THBS4: variants seen among roughly 807,000 people sequenced by gnomAD.
The protein encoded by THBS4 is thrombospondin-4.
Under a neutral mutation model 115.7 loss-of-function variants are expected in THBS4, and 90 were observed. The ratio of observed to expected loss-of-function variants is 0.78; its 90% CI spans 0.66 to 0.93. The LOEUF (loss-of-function observed/expected upper bound fraction) is 0.93, where lower values mean the gene tolerates loss of function less well. Ranked by LOEUF, THBS4 falls within the 40% of genes least tolerant of loss-of-function variation. THBS4 has a pLI of 0.00. For synonymous variants in THBS4, 460 were observed against 479.3 expected (o/e 0.96, Z 0.53); for missense variants, 1,087 against 1,232.7 (o/e 0.88, Z 1.77).
At chr5:80,080,491 T>G (rs897936779) in intron 20 of THBS4, among the ~76,000 whole-genome samples, 10 of 116,384 alleles carry the variant, frequency 8.6e-5, no homozygotes, top group Middle Eastern at 8.5e-3. Flanking sequence ...CACTTACTAG[T>G]GCACATTTCA....
At chr5:80,036,920 T>G (rs1414732690) in intron 1 of THBS4, among the ~76,000 whole-genome samples, 1 of 152,226 alleles carries the variant, frequency 6.6e-6, no homozygotes, top group East Asian at 1.9e-4. Context: ...CCATTTAAAC[T>G]GCATTTCGCC....
chr5:79,995,440 C>T (rs77064027), intron 1 of THBS4, among the ~76,000 whole-genome samples: 6 of 151,854 alleles, frequency 4.0e-5, no homozygotes, highest in East Asian at 1.9e-4. Context: ...AGGGTATAAA[C>T]GATAAGGACA....
At chr5:80,077,404 G>A (rs367820587) in intron 16 of THBS4, among the ~76,000 whole-genome samples, 47 of 152,328 alleles carry the variant, frequency 3.1e-4, no homozygotes, top group African/African-American at 1.1e-3. Flanking sequence ...TCCCAGAAAA[G>A]GAGCAGGATA....
At chr5:80,033,561 ATACTC>A (rs1050586201), upstream of THBS4, among the ~76,000 whole-genome samples, 4 of 152,136 alleles carry the variant, frequency 2.6e-5, no homozygotes, top group African/African-American at 4.8e-5. Context: ...AGAGAAGTAA[ATACTC>A]TAGTGTCTAC....
At chr5:80,023,283 A>G (rs1452179924) in intron 2 of THBS4, among the ~76,000 whole-genome samples, 1 of 152,204 alleles carries the variant, frequency 6.6e-6, no homozygotes, top group African/African-American at 2.4e-5. Flanking sequence ...CTGTACCTGC[A>G]TATACACATG....
chr5:80,078,025 C>T, intron 16 of THBS4, 24 bp from the exon 17 acceptor site: 1 of 1,546,866 alleles, frequency 6.5e-7, no homozygotes, highest in Non-Finnish European at 8.8e-7. Flanking sequence ...TATTGAGCTC[C>T]TGTCCTTTCT....
intron 2 of THBS4, among the ~76,000 whole-genome samples, chr5:80,050,320 T>C (rs1044454786): frequency 2.0e-5 from 3 of 152,164 alleles, no homozygotes; most frequent in African/African-American, 7.2e-5. Context: ...ATCAGAGTTT[T>C]TAAAGATAAT....
At position 80,079,822 on chromosome 5, in the gene THBS4, C is replaced by T. The variant is rs1743398661; in HGVS notation, c.2512-83C>T. ...AGCCGGATTATAACCATGACTATAA[C>T]CTGGATCATCACTTCAGATCCAGGA... is the stretch of plus-strand genomic sequence containing the variant. On this transcript the variant is annotated intron_variant, in intron 19 of 21. Coordinates refer to ENST00000350881, the MANE Select transcript of THBS4 (RefSeq NM_003248.6). 4.9e-6 allele frequency: 7 copies of T among 1,420,062 alleles called. 1 individual carries two copies. Among genetic ancestry groups the T allele is most frequent in the Middle Eastern group, 1.8e-4 (1 of 5,502 alleles). 88.0% of individuals were successfully genotyped at this position (1,420,062 alleles called of 1,614,324 possible). A position where few individuals can be genotyped will look rare whatever the true frequency, so the allele number is the denominator to read the frequency against.
At chr5:80,025,092 T>G (rs1832449521) in intron 2 of THBS4, among the ~76,000 whole-genome samples, 1 of 152,202 alleles carries the variant, frequency 6.6e-6, no homozygotes, top group East Asian at 1.9e-4. Context: ...TTGTAAAGAT[T>G]AGATGAGATC....
At position 80,066,573 on chromosome 5, in the gene THBS4, T is replaced by G. The variant is rs527265531; in HGVS notation, c.1194+1096T>G. 4 of 152,208 alleles carry G rather than the reference T, an allele frequency of 2.6e-5. No homozygotes were observed. The South Asian group carries it at 8.3e-4, about 32-fold the overall frequency. 9.4% of individuals were successfully genotyped at this position (152,208 alleles called of 1,614,324 possible). Reference sequence around the variant, plus strand: ...CAGTGAGCTGTGATCGCCACTGCACTCTAACCTGGGTGACAGAGGGAGACC... The same window carrying G: ...CAGTGAGCTGTGATCGCCACTGCACGCTAACCTGGGTGACAGAGGGAGACC... On this transcript the variant is annotated intron_variant, in intron 9 of 21. Coordinates refer to ENST00000350881, the MANE Select transcript of THBS4 (RefSeq NM_003248.6).
intron 8 of THBS4, among the ~76,000 whole-genome samples, chr5:80,064,673 C>T (rs563148472): frequency 2.6e-5 from 4 of 152,080 alleles, no homozygotes; most frequent in Admixed American, 1.3e-4. Context: ...TCGAGGCTGC[C>T]GTGAGCTGTG....
At chr5:80,060,077 C>T (rs927815182) in intron 7 of THBS4, among the ~76,000 whole-genome samples, 172 bp downstream of exon 7, 3 of 152,180 alleles carry the variant, frequency 2.0e-5, no homozygotes, top group Admixed American at 6.5e-5. Flanking sequence ...GGAGACATGA[C>T]CCAAGGTTAT....
intron 3 of THBS4, 100 bp downstream of exon 3, chr5:80,056,132 G>C (rs537911010): frequency 6.5e-6 from 9 of 1,375,848 alleles, no homozygotes; most frequent in African/African-American, 2.9e-5. Context: ...CAGGTCAGTG[G>C]GTCTAATGCC....
At chr5:80,030,088 AG>A (rs1315168973) in intron 2 of THBS4, among the ~76,000 whole-genome samples, 1 of 152,232 alleles carries the variant, frequency 6.6e-6, no homozygotes, top group African/African-American at 2.4e-5. Context: ...CTGTCACTTA[AG>A]CACCTTCCTT....
chr5:80,057,407 C>T (rs1426987419), intron 3 of THBS4, among the ~76,000 whole-genome samples: 1 of 152,186 alleles, frequency 6.6e-6, no homozygotes, highest in Non-Finnish European at 1.5e-5. Context: ...ACATTCTAGG[C>T]ATTAGTGCTA....
chr5:80,062,978 A>G (rs1833692299), intron 8 of THBS4, among the ~76,000 whole-genome samples: 1 of 152,232 alleles, frequency 6.6e-6, no homozygotes, highest in African/African-American at 2.4e-5. Flanking sequence ...TATTGTGAAT[A>G]GTGCCACAAT....
intron 2 of THBS4, among the ~76,000 whole-genome samples, chr5:80,022,233 C>CTT (rs2151158913): frequency 6.6e-6 from 1 of 152,294 alleles, no homozygotes; most frequent in Non-Finnish European, 1.5e-5. Flanking sequence ...TATTTGGTCT[C>CTT]TATACGTTTC....
intron 7 of THBS4, among the ~76,000 whole-genome samples, chr5:80,060,646 G>T (rs527872923): frequency 4.8e-4 from 73 of 152,298 alleles, no homozygotes; most frequent in African/African-American, 1.7e-3. Flanking sequence ...TGTGGTCCCA[G>T]CTACTCTGGA....
intron 8 of THBS4, among the ~76,000 whole-genome samples, chr5:80,063,883 A>G (rs1386467188): frequency 1.3e-5 from 2 of 152,266 alleles, no homozygotes; most frequent in Non-Finnish European, 1.5e-5. Flanking sequence ...CAGTGTCCAG[A>G]AACAAAGAGA....
Sources: allele counts gnomAD v4.1 joint callset (sites outside exome capture counted in the v4.1 genomes callset), GRCh38; gene constraint gnomAD v4.1.1; transcripts MANE v1.5; gene names NCBI Gene and HGNC (gene_info 2026-07-23, HGNC 2026-07-21).